NECTIN3: variants seen among roughly 807,000 people sequenced by gnomAD.
NECTIN3 encodes nectin cell adhesion molecule 3.
NECTIN3 carries 8 observed loss-of-function variants against 49.4 expected under a neutral mutation model. The ratio of observed to expected loss-of-function variants is 0.16; its 90% CI spans 0.10 to 0.29. NECTIN3 has a LOEUF of 0.29. NECTIN3 is among the 10% of genes least tolerant of loss of function. The probability of loss-of-function intolerance (pLI) is 1.00; values close to 1 mark genes in which losing one functional copy is unlikely to be tolerated. For synonymous variants in NECTIN3, 277 were observed against 241.1 expected (o/e 1.15, Z -1.38); for missense variants, 581 against 654.6 (o/e 0.89, Z 1.23).
At chr3:111,159,525 A>T (rs891460399) in intron 7 of NECTIN3, among the ~76,000 whole-genome samples, 1 of 151,930 alleles carries the variant, frequency 6.6e-6, no homozygotes, top group Admixed American at 6.6e-5. Context: ...GAGGAATGTG[A>T]TATTATGAGT....
chr3:111,133,136 T>C (rs1356225754), intron 5 of NECTIN3, among the ~76,000 whole-genome samples: 1 of 151,910 alleles, frequency 6.6e-6, no homozygotes, highest in African/African-American at 2.4e-5. Flanking sequence ...GCTCAGCTCT[T>C]ATAAAAATAA....
At position 111,136,989 on chromosome 3, in the gene NECTIN3, A is replaced by G. The variant is rs548318581; in HGVS notation, c.*2774A>G. 1.0e-5 allele frequency: 10 copies of G among 977,476 alleles called. No individual in the cohort carries two copies. The highest frequency in any genetic ancestry group is 9.5e-5 in the South Asian group (2 of 21,134). 60.6% of individuals were successfully genotyped at this position (977,476 alleles called of 1,614,324 possible). ...TGCTAACTCTAATATTGAGGAAACT[A>G]TTAAGGTTTTCAGTAGTAAGTGTTG... is the stretch of plus-strand genomic sequence containing the variant. On this transcript the variant is annotated 3_prime_UTR_variant, in exon 6 of 6. Transcript: ENST00000485303.
At position 111,071,937 on chromosome 3, in the gene NECTIN3, A is replaced by G. The variant is rs1331250966; in HGVS notation, c.-81A>G. ...GGGACGCGCGCGCCGGACCTTCCACAGCCTCCGCCCAGAGCCTGAGGCGCC... is the reference window on the plus strand; with the variant it reads ...GGGACGCGCGCGCCGGACCTTCCACGGCCTCCGCCCAGAGCCTGAGGCGCC... On this transcript the variant is annotated 5_prime_UTR_variant, in exon 1 of 6. Transcript: ENST00000485303. 1.6e-5 allele frequency: 16 copies of G among 1,026,972 alleles called. No individual in the cohort carries two copies. Among genetic ancestry groups the G allele is most frequent in the South Asian group, 2.5e-5 (1 of 40,364 alleles). 63.6% of individuals were successfully genotyped at this position (1,026,972 alleles called of 1,614,324 possible). A position where few individuals can be genotyped will look rare whatever the true frequency, so the allele number is the denominator to read the frequency against.
chr3:111,112,403 T>C, intron 2 of NECTIN3, 32 bp downstream of exon 2: 3 of 1,276,466 alleles, frequency 2.4e-6, no homozygotes, highest in Middle Eastern at 1.9e-4. Flanking sequence ...ATTTTGGTGA[T>C]AGTGGTGAAG....
chr3:111,114,378 C>A (rs1257639741), intron 2 of NECTIN3, among the ~76,000 whole-genome samples: 1 of 152,036 alleles, frequency 6.6e-6, no homozygotes, highest in Non-Finnish European at 1.5e-5. Flanking sequence ...CCCGTTTCCC[C>A]AAATCTGATA....
At position 111,135,749 on chromosome 3, in the gene NECTIN3, A is replaced by C; in HGVS notation, c.*1534A>C. The C allele has an allele frequency of 1.0e-6, 1 of 961,760 alleles. No individual in the cohort carries two copies. The highest frequency in any genetic ancestry group is 4.8e-5 in the South Asian group (1 of 20,810). 59.6% of individuals were successfully genotyped at this position (961,760 alleles called of 1,614,324 possible). ...CAAATCTAAAACATTTAGGGGGCAA[A>C]ATTCTAACATGTTCATGGTATCTTG... On this transcript the variant is annotated 3_prime_UTR_variant, in exon 6 of 6. Coordinates refer to ENST00000485303, the MANE Select transcript of NECTIN3 (RefSeq NM_015480.3).
At chr3:111,153,809 T>C (rs1343607793) in intron 7 of NECTIN3, among the ~76,000 whole-genome samples, 1 of 152,122 alleles carries the variant, frequency 6.6e-6, no homozygotes, top group African/African-American at 2.4e-5. Context: ...TAGTAGTGTT[T>C]AGTTTTTTTT....
intron 7 of NECTIN3, among the ~76,000 whole-genome samples, chr3:111,172,848 C>T (rs891341617): frequency 6.6e-6 from 1 of 152,166 alleles, no homozygotes; most frequent in Non-Finnish European, 1.5e-5. Context: ...CCTTTGTGTT[C>T]TACCCTATAT....
At chr3:111,188,642 G>A (rs2035762643), upstream of NECTIN3, among the ~76,000 whole-genome samples, 1 of 152,150 alleles carries the variant, frequency 6.6e-6, no homozygotes, top group Admixed American at 6.5e-5. Context: ...TGTTTGTATT[G>A]AAGCAGAGTA....
At chr3:111,114,729 G>A (rs112921427) in intron 2 of NECTIN3, among the ~76,000 whole-genome samples, 2 of 152,262 alleles carry the variant, frequency 1.3e-5, no homozygotes, top group African/African-American at 4.8e-5. Flanking sequence ...CGAAGGCAGG[G>A]AAAACAGAAA....
intron 7 of NECTIN3, among the ~76,000 whole-genome samples, chr3:111,156,269 T>C: frequency 6.6e-6 from 1 of 152,200 alleles, no homozygotes; most frequent in East Asian, 1.9e-4. Flanking sequence ...TTTGAATCTA[T>C]TCAGATGCCT....
intron 1 of NECTIN3, among the ~76,000 whole-genome samples, chr3:111,104,626 T>A (rs963725254): frequency 1.3e-5 from 2 of 152,050 alleles, no homozygotes. Context: ...CGACCTCTTT[T>A]GCTCATGTTT....
intron 1 of NECTIN3, among the ~76,000 whole-genome samples, chr3:111,090,144 G>T (rs1298703389): frequency 6.6e-6 from 1 of 151,974 alleles, no homozygotes; most frequent in South Asian, 2.1e-4. Context: ...AATTTAAGAC[G>T]TATCTTTTGT....
At chr3:111,125,902 A>G (rs1487488907) in intron 4 of NECTIN3, among the ~76,000 whole-genome samples, 1 of 152,134 alleles carries the variant, frequency 6.6e-6, no homozygotes, top group African/African-American at 2.4e-5. Flanking sequence ...AAATTTTTTT[A>G]ATTATATTTT....
At chr3:111,115,047 A>G (rs563958089) in intron 2 of NECTIN3, among the ~76,000 whole-genome samples, 1 of 152,282 alleles carries the variant, frequency 6.6e-6, no homozygotes, top group Non-Finnish European at 1.5e-5. Flanking sequence ...ATTTGGGGGC[A>G]GAATTCTTTG....
chr3:111,186,042 C>T (rs114221187), intron 7 of NECTIN3, among the ~76,000 whole-genome samples: 109 of 151,972 alleles, frequency 7.2e-4, no homozygotes, highest in African/African-American at 2.4e-3. Flanking sequence ...ATTATTTATA[C>T]GTTCTTCATA....
chr3:111,086,518 T>C (rs1437049851), intron 1 of NECTIN3, among the ~76,000 whole-genome samples: 1 of 152,220 alleles, frequency 6.6e-6, no homozygotes, highest in Non-Finnish European at 1.5e-5. Flanking sequence ...GAAAAGACTC[T>C]CTGCTGTGCA....
chr3:111,092,416 T>C (rs2032322085), intron 1 of NECTIN3, among the ~76,000 whole-genome samples: 1 of 152,050 alleles, frequency 6.6e-6, no homozygotes, highest in Non-Finnish European at 1.5e-5. Flanking sequence ...CTTCTAGGAG[T>C]TTTTTAGTTG....
chr3:111,183,648 G>GTT (rs913685134), intron 7 of NECTIN3, among the ~76,000 whole-genome samples: 9 of 148,598 alleles, frequency 6.1e-5, no homozygotes, highest in African/African-American at 2.2e-4. Context: ...TAGAATTCTA[G>GTT]TTTTTTTTTT....
Sources: gnomAD v4.1 joint callset for allele counts (sites outside exome capture counted in the v4.1 genomes callset) on GRCh38, gnomAD v4.1.1 for gene constraint, MANE v1.5 for transcripts, NCBI Gene and HGNC (gene_info 2026-07-23, HGNC 2026-07-21) for gene names.